Variants in TAF1 observed in about 807,000 individuals in gnomAD.
TAF1 encodes transcription initiation factor TFIID subunit 1.
TAF1 carries 2 observed loss-of-function variants against 138.5 expected under a neutral mutation model. That is an observed-to-expected ratio of 0.01 (90% CI 0.01 to 0.05). The LOEUF (loss-of-function observed/expected upper bound fraction) is 0.05. Ranked by LOEUF, TAF1 falls within the 10% of genes least tolerant of loss-of-function variation. The pLI is 1.00. For missense variants in TAF1, 709 were observed against 1,478.0 expected (o/e 0.48, Z 8.53); for synonymous variants, 437 against 503.2 (o/e 0.87, Z 1.76).
At chrX:71,431,985 T>G (rs2036915198) in intron 32 of TAF1, among the ~76,000 whole-genome samples, 1 of 108,696 alleles carries the variant, frequency 9.2e-6, no homozygotes, top group Non-Finnish European at 1.9e-5. Context: ...AATAATATAC[T>G]GCAAACCAAG....
chrX:71,368,011 G>C (rs908290454), intron 2 of TAF1, 43 bp from the exon 3 acceptor site: 7 of 1,146,447 alleles, frequency 6.1e-6, no homozygotes, highest in Non-Finnish European at 8.3e-6. Flanking sequence ...GAGGGAGTGA[G>C]GGTCGCTTAC....
intron 24 of TAF1, 129 bp from the exon 25 acceptor site, chrX:71,401,399 G>A (rs2035168593): frequency 1.3e-6 from 1 of 798,488 alleles, no homozygotes; most frequent in African/African-American, 2.1e-5. Context: ...GTGGATTTTG[G>A]TATACTTGGG....
At chrX:71,418,578 A>G (rs948336761) in intron 28 of TAF1, among the ~76,000 whole-genome samples, 1 of 112,392 alleles carries the variant, frequency 8.9e-6, no homozygotes, top group Non-Finnish European at 1.9e-5. Flanking sequence ...ACAAAAGGAT[A>G]GACAGAGGAA....
chrX:71,366,847 C>T (rs1461505643), intron 1 of TAF1, among the ~76,000 whole-genome samples: 1 of 111,560 alleles, frequency 9.0e-6, no homozygotes, highest in African/African-American at 3.3e-5. Context: ...GCCCCTCTGA[C>T]ATCGCTGCCC....
intron 12 of TAF1, among the ~76,000 whole-genome samples, chrX:71,383,476 C>T (rs191864253): frequency 2.5e-3 from 279 of 112,267 alleles, no homozygotes; most frequent in Non-Finnish European, 4.1e-3. Flanking sequence ...AGTCGTCCTT[C>T]GTTATCTCTG....
chrX:71,441,504 TATCAG>T (rs1389402451), intron 32 of TAF1, among the ~76,000 whole-genome samples: 1 of 111,515 alleles, frequency 9.0e-6, no homozygotes, highest in African/African-American at 3.3e-5. Context: ...AATTTATAGT[TATCAG>T]ATCAGGGTAA....
At position 71,460,785 on chromosome X, in the gene TAF1, T is replaced by C; in HGVS notation, c.5381T>C (p.Leu1794Ser). ...EGDGGEASHG[L>S]EDSNISYGSY... ...GACGGTGGGGAGGCTTCCCATGGTTTGGAGGATAGCAACATCAGGTAATCG... is the reference window on the plus strand; with the variant it reads ...GACGGTGGGGAGGCTTCCCATGGTTCGGAGGATAGCAACATCAGGTAATCG... Residue 1794 changes from leucine to serine, a missense_variant, in exon 37 of 38, where the codon TTG becomes TCG. Around this residue, in one of 14 missense-constraint regions of TAF1, gnomAD observed 123 missense variants for 174.7 expected, o/e 0.70. Coordinates refer to ENST00000423759, the MANE Select transcript of TAF1 (RefSeq NM_004606.5). 1 of 1,189,887 alleles carries C rather than the reference T, an allele frequency of 8.4e-7. No homozygotes were observed. Among genetic ancestry groups the C allele is most frequent in the Non-Finnish European group, 1.1e-6 (1 of 883,847 alleles).
rs758915884 is a variant in TAF1 at position 71,383,076 on chromosome X, C to T, written c.1859C>T (p.Pro620Leu). ...AAACTCCGGCAGTTCCATCGCCCAC[C>T]TCTGAAAAAGTACTCATTTGGTGCA... ...PIKLRQFHRP[P>L]LKKYSFGALS... Residue 620 changes from proline to leucine, a missense_variant, in exon 12 of 38, where the codon CCT becomes CTT. Physicochemically the swap from Pro to Leu is moderately conservative, Grantham distance 98. Around this residue, in one of 14 missense-constraint regions of TAF1, gnomAD observed 201 missense variants for 421.3 expected, o/e 0.48. Transcript: ENST00000423759. 8.3e-7 allele frequency: 1 copy of T among 1,211,557 alleles called. No homozygotes were observed. The highest frequency in any genetic ancestry group is 3.0e-5 in the East Asian group (1 of 33,844).
chrX:71,432,819 C>G (rs1332774787), intron 32 of TAF1, among the ~76,000 whole-genome samples: 2 of 111,890 alleles, frequency 1.8e-5, no homozygotes, highest in Admixed American at 9.5e-5. Flanking sequence ...TGTGTTTTAT[C>G]TTAAAAATGT....
chrX:71,515,017 A>C (rs1201247963), intron 13 of TAF1, among the ~76,000 whole-genome samples: 1 of 111,813 alleles, frequency 8.9e-6, no homozygotes, highest in African/African-American at 3.2e-5. Flanking sequence ...CACTAAACCA[A>C]ATGATGCAGA....
chrX:71,372,055 C>T (rs994837225), intron 3 of TAF1, among the ~76,000 whole-genome samples: 1 of 111,166 alleles, frequency 9.0e-6, no homozygotes, highest in Non-Finnish European at 1.9e-5. Flanking sequence ...GAGTGAATGT[C>T]ACACCAACTT....
Position 71,381,761 on chromosome X carries a change from A to T in TAF1, c.1379A>T (p.Asp460Val). The change falls in exon 9 of 38, where the codon GAT (aspartate) becomes GTT (valine). Residue 460 changes from aspartate (D) to valine (V), a missense_variant. Physicochemically the swap from Asp to Val is radical, Grantham distance 152. Transcript: ENST00000423759. ...NVQQGFAATL[D>V]DDKPWYSIFP... ...TGACTAGGTTTTGCAGCCACTCTTG[A>T]TGATGACAAACCTTGGTACTCCATT... is the stretch of plus-strand genomic sequence containing the variant. 1 of 1,210,117 alleles carries T rather than the reference A, an allele frequency of 8.3e-7. No individual in the cohort carries two copies. The highest frequency in any genetic ancestry group is 1.1e-6 in the Non-Finnish European group (1 of 894,695).
chrX:71,451,578 G>T (rs12396835), intron 32 of TAF1, among the ~76,000 whole-genome samples: 8,054 of 108,553 alleles, frequency 0.074, 699 homozygotes, highest in African/African-American at 0.25. Flanking sequence ...GGTCAGCAGA[G>T]AAGTGAACAA....
intron 13 of TAF1, among the ~76,000 whole-genome samples, chrX:71,500,094 G>C (rs1454406499): frequency 2.7e-5 from 3 of 110,843 alleles, no homozygotes; most frequent in East Asian, 5.7e-4. Context: ...CCTTCTGGGT[G>C]GGGGAGATTA....
Position 71,388,861 on chromosome X carries a change from G to T in TAF1, c.2693G>T (p.Arg898Leu). Residue 898 changes from arginine to leucine, a missense_variant, in exon 17 of 38, where the codon CGA (arginine) becomes CTA (leucine). Coordinates refer to ENST00000423759, the MANE Select transcript of TAF1 (RefSeq NM_004606.5). ...AYYSMIAAEQ[R>L]LKDAGYGEKS... The stretch of plus-strand genomic sequence containing the variant: ...TATAGCATGATAGCTGCAGAGCAAC[G>T]ACTGAAGGTGAACACCTTCCTCTTA... 1 of 1,205,300 alleles carries T rather than the reference G, an allele frequency of 8.3e-7. No individual in the cohort carries two copies. The highest frequency in any genetic ancestry group is 1.1e-6 in the Non-Finnish European group (1 of 891,475).
At chrX:71,498,067 G>A (rs771693300) in intron 13 of TAF1, among the ~76,000 whole-genome samples, 7 of 111,756 alleles carry the variant, frequency 6.3e-5, no homozygotes, top group Non-Finnish European at 1.1e-4. Context: ...CTGGCATGAC[G>A]CTTCCGAACT....
intron 34 of TAF1, among the ~76,000 whole-genome samples, chrX:71,457,667 A>G (rs2038366598): frequency 1.8e-5 from 2 of 112,091 alleles, no homozygotes; most frequent in Non-Finnish European, 3.8e-5. Flanking sequence ...CATGTTTTAT[A>G]GTTGAGTTAA....
intron 32 of TAF1, among the ~76,000 whole-genome samples, chrX:71,424,844 C>T (rs1360526443): frequency 9.0e-6 from 1 of 111,054 alleles, no homozygotes; most frequent in Non-Finnish European, 1.9e-5. Flanking sequence ...AGGCTGGTCT[C>T]GAATTCCTGA....
chrX:71,377,834 G>A lies in TAF1; in HGVS notation c.933+13G>A, dbSNP rs778445974. 3 of 1,187,184 alleles carry A rather than the reference G, an allele frequency of 2.5e-6. No individual in the cohort carries two copies. The Admixed American group carries it at 7.2e-5, about 29-fold the overall frequency. On this transcript the variant is annotated intron_variant, in intron 6 of 37. Transcript: ENST00000423759. The stretch of plus-strand genomic sequence containing the variant: ...CTCTGATGATGAAGTAGGCAAAATA[G>A]AGACCTGAGATTAAGGCCTATGAGA...
Sources: gnomAD v4.1 joint callset for allele counts (sites outside exome capture counted in the v4.1 genomes callset) on GRCh38, gnomAD v4.1.1 for gene constraint, gnomAD v4.1.1 regional missense constraint, MANE v1.5 for transcripts, NCBI Gene and HGNC (gene_info 2026-07-23, HGNC 2026-07-21) for gene names.